The following RORA variants were observed in gnomAD, a reference collection of about 807,000 sequenced individuals.
RORA encodes the protein RAR related orphan receptor A, also known as nuclear receptor ROR-alpha.
Under a neutral mutation model 69.5 loss-of-function variants are expected in RORA, and 7 were observed. The ratio of observed to expected loss-of-function variants is 0.10; its 90% CI spans 0.06 to 0.19. The LOEUF (loss-of-function observed/expected upper bound fraction) is 0.19. RORA is among the 10% of genes least tolerant of loss of function. The probability of loss-of-function intolerance (pLI) is 1.00; values close to 1 mark genes in which losing one functional copy is unlikely to be tolerated. For synonymous variants in RORA, 261 were observed against 240.8 expected, an observed-to-expected ratio of 1.08 and a Z score of -0.78; for missense variants, 457 against 663.0, an observed-to-expected ratio of 0.69 and a Z score of 3.41.
At chr15:60,507,280 C>T (rs967822359) in intron 5 of RORA, among the ~76,000 whole-genome samples, 8 of 152,228 alleles carry the variant, frequency 5.3e-5, no homozygotes, top group East Asian at 3.9e-4. Context: ...TTTAAAAGAA[C>T]GGTGCTGAAT....
At chr15:60,686,311 C>T (rs1361533551) in intron 1 of RORA, among the ~76,000 whole-genome samples, 1 of 152,212 alleles carries the variant, frequency 6.6e-6, no homozygotes, top group Non-Finnish European at 1.5e-5. Context: ...AAACATCCCT[C>T]TTCTCAGAGA....
At chr15:60,507,716 G>A (rs1595878392) in intron 5 of RORA, among the ~76,000 whole-genome samples, 1 of 152,060 alleles carries the variant, frequency 6.6e-6, no homozygotes, top group South Asian at 2.1e-4. Flanking sequence ...ATATAAGGTC[G>A]TTTCTAGAAT....
intron 2 of RORA, among the ~76,000 whole-genome samples, chr15:60,606,349 G>T (rs1222382190): frequency 1.3e-5 from 2 of 152,208 alleles, no homozygotes; most frequent in African/African-American, 2.4e-5. Flanking sequence ...AATCCCATAG[G>T]AAAGCTGCAA....
chr15:60,508,374 G>A (rs1489007137), intron 5 of RORA, among the ~76,000 whole-genome samples: 1 of 152,152 alleles, frequency 6.6e-6, no homozygotes, highest in Non-Finnish European at 1.5e-5. Flanking sequence ...ATAGTGGGAA[G>A]GAACTTTAGA....
chr15:61,133,630 G>C (rs2079211625), intron 1 of RORA, among the ~76,000 whole-genome samples: 1 of 152,150 alleles, frequency 6.6e-6, no homozygotes, highest in South Asian at 2.1e-4. Flanking sequence ...CAAAAGTTTT[G>C]TTGGCTCGAA....
Position 61,167,149 on chromosome 15 carries a change from C to T in RORA, c.166+61904G>A, listed in dbSNP as rs575618696. Among the ~76,000 whole-genome samples, 8 of 152,300 alleles carry T rather than the reference C, an allele frequency of 5.3e-5. No individual in the cohort carries two copies. In the East Asian group the frequency reaches 1.3e-3, roughly 26 times the overall value. On this transcript the variant is annotated intron_variant, in intron 1 of 10. Coordinates refer to ENST00000335670, the MANE Select transcript of RORA (RefSeq NM_134261.3). Reference sequence around the variant, plus strand: ...AATCAGGCCCTGGAATCAGCTGAAACGAGAGCTTCTGTAAAAATCACTCTT... The same window carrying T: ...AATCAGGCCCTGGAATCAGCTGAAATGAGAGCTTCTGTAAAAATCACTCTT...
intron 2 of RORA, among the ~76,000 whole-genome samples, chr15:60,567,023 A>G (rs1418866130): frequency 6.6e-6 from 1 of 152,176 alleles, no homozygotes; most frequent in Non-Finnish European, 1.5e-5. Context: ...CATCTGTCCA[A>G]TGTTCAACCA....
intron 1 of RORA, among the ~76,000 whole-genome samples, chr15:60,932,919 C>G (rs1371321422): frequency 6.6e-6 from 1 of 152,166 alleles, no homozygotes; most frequent in Non-Finnish European, 1.5e-5. Context: ...TCTCTTGCCC[C>G]CTCAATCCCT....
chr15:60,831,103 A>C (rs1013148363), intron 1 of RORA, among the ~76,000 whole-genome samples: 27 of 152,196 alleles, frequency 1.8e-4, no homozygotes, highest in African/African-American at 6.5e-4. Flanking sequence ...AGTTTGGGGA[A>C]CATTAAATAA....
At chr15:60,521,778 A>G (rs1595905128) in intron 3 of RORA, among the ~76,000 whole-genome samples, 1 of 152,146 alleles carries the variant, frequency 6.6e-6, no homozygotes, top group Non-Finnish European at 1.5e-5. Context: ...AAACAAAACA[A>G]TGTCACACAT....
chr15:61,134,986 C>A (rs1037668407), intron 1 of RORA, among the ~76,000 whole-genome samples: 1 of 151,922 alleles, frequency 6.6e-6, no homozygotes, highest in Non-Finnish European at 1.5e-5. Context: ...TTCAAGCAAA[C>A]CCCTGTCCAA....
intron 1 of RORA, among the ~76,000 whole-genome samples, chr15:61,156,249 A>G (rs2079441357): frequency 6.6e-6 from 1 of 152,144 alleles, no homozygotes; most frequent in Non-Finnish European, 1.5e-5. Flanking sequence ...ATATGTTAAA[A>G]TCTGTTCCTG....
intron 1 of RORA, among the ~76,000 whole-genome samples, chr15:60,955,130 C>T (rs1488120142): frequency 7.9e-5 from 12 of 152,234 alleles, no homozygotes. Flanking sequence ...GGTGAAACCT[C>T]GCCTCTACTA....
intron 1 of RORA, chr15:60,764,780 C>G (rs2071956140): frequency 6.6e-6 from 1 of 152,226 alleles, no homozygotes; most frequent in African/African-American, 2.4e-5. Context: ...TTCGACGCCC[C>G]TGCTCACAAT....
chr15:61,051,817 G>A (rs1322996560), intron 1 of RORA, among the ~76,000 whole-genome samples: 1 of 152,166 alleles, frequency 6.6e-6, no homozygotes, highest in East Asian at 1.9e-4. Flanking sequence ...TGAGCCTCAG[G>A]GGACATGAGT....
chr15:60,806,764 C>T (rs546378919), intron 1 of RORA, among the ~76,000 whole-genome samples: 4 of 152,104 alleles, frequency 2.6e-5, no homozygotes, highest in Non-Finnish European at 4.4e-5. Flanking sequence ...TTCTTGCTTC[C>T]CATCACATGC....
intron 1 of RORA, among the ~76,000 whole-genome samples, chr15:61,080,615 G>C (rs2140655780): frequency 6.6e-6 from 1 of 152,302 alleles, no homozygotes; most frequent in African/African-American, 2.4e-5. Flanking sequence ...CTCCAGATAA[G>C]AAGGAGGAAT....
At chr15:60,951,734 A>C (rs1250699178) in intron 1 of RORA, among the ~76,000 whole-genome samples, 1 of 152,218 alleles carries the variant, frequency 6.6e-6, no homozygotes, top group Non-Finnish European at 1.5e-5. Context: ...CCAAAGACTA[A>C]ACCAGGAAGA....
chr15:60,730,470 G>T (rs1054960425), intron 1 of RORA, among the ~76,000 whole-genome samples: 2 of 152,152 alleles, frequency 1.3e-5, no homozygotes, highest in Non-Finnish European at 2.9e-5. Flanking sequence ...ATGCTGGCTG[G>T]AAAAATCTTA....
Sources: allele counts gnomAD v4.1 joint callset (sites outside exome capture counted in the v4.1 genomes callset), GRCh38; gene constraint gnomAD v4.1.1; transcripts MANE v1.5; gene names NCBI Gene and HGNC (gene_info 2026-07-23, HGNC 2026-07-21).